RAB3GAP1: variants seen among roughly 807,000 people sequenced by gnomAD.
RAB3GAP1 encodes the protein rab3 GTPase-activating protein catalytic subunit.
RAB3GAP1 carries 86 observed loss-of-function variants against 130.7 expected under a neutral mutation model. The observed-to-expected ratio is 0.66, with a 90% CI of 0.55 to 0.79. The LOEUF is 0.79. RAB3GAP1 is among the 30% of genes least tolerant of loss of function. The pLI is 0.00. For synonymous variants in RAB3GAP1, 367 were observed against 401.7 expected (o/e 0.91, Z 1.03); for missense variants, 1,029 against 1,169.4 (o/e 0.88, Z 1.75).
At chr2:135,101,748 G>A (rs539206217) in intron 5 of RAB3GAP1, among the ~76,000 whole-genome samples, 1 of 151,924 alleles carries the variant, frequency 6.6e-6, no homozygotes, top group South Asian at 2.1e-4. Flanking sequence ...GTGTTTTGCT[G>A]GATGTATTTC....
At chr2:135,154,636 A>C (rs1309572987) in intron 19 of RAB3GAP1, among the ~76,000 whole-genome samples, 3 of 152,154 alleles carry the variant, frequency 2.0e-5, no homozygotes, top group Non-Finnish European at 1.5e-5. Context: ...GATGAAACAC[A>C]AAGTCACCCC....
intron 3 of RAB3GAP1, among the ~76,000 whole-genome samples, chr2:135,064,624 T>C (rs953209159): frequency 6.6e-6 from 1 of 151,938 alleles, no homozygotes; most frequent in African/African-American, 2.4e-5. Flanking sequence ...CTTGAGTGTA[T>C]TTATTATAGC....
chr2:135,060,256 ATT>A (rs60562266), intron 3 of RAB3GAP1, among the ~76,000 whole-genome samples: 87 of 109,842 alleles, frequency 7.9e-4, no homozygotes, highest in East Asian at 7.1e-3. Flanking sequence ...TAACTGCTTG[ATT>A]TTTTTTTTTT....
chr2:135,081,125 C>G (rs1399564087), intron 3 of RAB3GAP1, among the ~76,000 whole-genome samples: 1 of 151,104 alleles, frequency 6.6e-6, no homozygotes, highest in East Asian at 1.9e-4. Flanking sequence ...CATGTCACAG[C>G]AGAGAAGAAT....
At chr2:135,161,688 CAAAA>C (rs368652831) in intron 19 of RAB3GAP1, among the ~76,000 whole-genome samples, 1 of 150,734 alleles carries the variant, frequency 6.6e-6, no homozygotes, top group Non-Finnish European at 1.5e-5. Flanking sequence ...CTCTCTAAGC[CAAAA>C]AAAAGTCCAC....
In RAB3GAP1 at chr2:135,105,911, C is replaced by T. The variant is rs1251141046; in HGVS notation, c.363-7240C>T. On this transcript the variant is annotated intron_variant, in intron 5 of 23. Coordinates refer to ENST00000264158, the MANE Select transcript of RAB3GAP1 (RefSeq NM_012233.3). ...CCCATCTGGGAGGTGAGGAGCATCT[C>T]TGCCCGGCCGCCCCGTCTGAGAAGT... 3.9e-5 allele frequency among the ~76,000 whole-genome samples: 6 copies of T among 152,050 alleles called. No homozygotes were observed. The East Asian group carries it at 1.2e-3, about 30-fold the overall frequency.
intron 3 of RAB3GAP1, among the ~76,000 whole-genome samples, chr2:135,062,355 A>C (rs187671371): frequency 6.6e-6 from 1 of 152,226 alleles, no homozygotes; most frequent in Admixed American, 6.5e-5. Context: ...TGCCAGTAAC[A>C]TGTTTCCAGT....
intron 23 of RAB3GAP1, among the ~76,000 whole-genome samples, chr2:135,165,375 G>C (rs16831378): frequency 2.0e-5 from 3 of 152,144 alleles, no homozygotes; most frequent in African/African-American, 4.8e-5. Context: ...TGATAAAGGC[G>C]TTATGTGCAC....
At chr2:135,137,772 AACTC>A (rs892978479) in intron 17 of RAB3GAP1, among the ~76,000 whole-genome samples, 3 of 152,196 alleles carry the variant, frequency 2.0e-5, no homozygotes, top group Non-Finnish European at 4.4e-5. Context: ...GAACAGCAAT[AACTC>A]AACAACAACA....
At chr2:135,100,319 C>G (rs1366403585) in intron 5 of RAB3GAP1, among the ~76,000 whole-genome samples, 2 of 152,162 alleles carry the variant, frequency 1.3e-5, no homozygotes, top group Non-Finnish European at 2.9e-5. Flanking sequence ...AAAGGCTTAC[C>G]CTATAAAATC....
intron 17 of RAB3GAP1, among the ~76,000 whole-genome samples, chr2:135,147,981 A>C (rs1558799421): frequency 1.8e-5 from 1 of 55,552 alleles, no homozygotes; most frequent in Non-Finnish European, 2.8e-5. Flanking sequence ...TTTTCTTCAA[A>C]AGGCTGTGCT....
chr2:135,080,102 A>G (rs969778352), intron 3 of RAB3GAP1, among the ~76,000 whole-genome samples: 4 of 143,328 alleles, frequency 2.8e-5, no homozygotes, highest in Non-Finnish European at 4.5e-5. Flanking sequence ...GGGCGACAGA[A>G]CGAGACTCCG....
intron 5 of RAB3GAP1, among the ~76,000 whole-genome samples, chr2:135,102,800 G>A (rs1184062585): frequency 6.6e-6 from 1 of 151,946 alleles, no homozygotes; most frequent in Non-Finnish European, 1.5e-5. Context: ...CGGATCACGA[G>A]GTCAGGATTT....
intron 5 of RAB3GAP1, among the ~76,000 whole-genome samples, chr2:135,103,749 CTT>C (rs955028744): frequency 2.6e-5 from 4 of 152,124 alleles, no homozygotes; most frequent in African/African-American, 9.7e-5. Context: ...GGTACAAAAA[CTT>C]TTGCCTTTGC....
intron 3 of RAB3GAP1, among the ~76,000 whole-genome samples, chr2:135,079,934 G>A (rs1278003549): frequency 1.3e-5 from 2 of 151,966 alleles, no homozygotes; most frequent in African/African-American, 2.4e-5. Context: ...TCGAGACCAC[G>A]GTGAAACCCT....
intron 5 of RAB3GAP1, among the ~76,000 whole-genome samples, chr2:135,102,468 A>G (rs902596655): frequency 1.3e-5 from 2 of 152,236 alleles, no homozygotes; most frequent in Non-Finnish European, 2.9e-5. Context: ...TACAGCAGCA[A>G]TATGAACTAA....
intron 5 of RAB3GAP1, among the ~76,000 whole-genome samples, chr2:135,100,337 C>T (rs914466257): frequency 6.6e-6 from 1 of 152,202 alleles, no homozygotes; most frequent in Admixed American, 6.5e-5. Flanking sequence ...ATCCCAGCTC[C>T]CAGTGCCCAG....
intron 2 of RAB3GAP1, among the ~76,000 whole-genome samples, chr2:135,054,587 G>A (rs903299458): frequency 6.6e-6 from 1 of 152,224 alleles, no homozygotes; most frequent in Non-Finnish European, 1.5e-5. Context: ...GTGTCAAAGT[G>A]AGAAGATTTG....
In RAB3GAP1 at chr2:135,081,347, TATATATATATATATACAC is replaced by T. The variant is rs1277821966; in HGVS notation, c.151-9649_151-9632del. 3.0e-4 allele frequency among the ~76,000 whole-genome samples: 28 copies of T among 93,734 alleles called. 2 individuals carry two copies. Among genetic ancestry groups the T allele is most frequent in the African/African-American group, 1.5e-3 (26 of 17,054 alleles). 61.5% of individuals were successfully genotyped at this position (93,734 alleles called of 152,430 possible). On this transcript the variant is annotated intron_variant, in intron 3 of 23. Transcript: ENST00000264158. ...AAAAAAATATATATATATATATATA[TATATATATATATATACAC>T]ACACGTGTGTGTGTGTATATATATA...
Sources: allele counts gnomAD v4.1 joint callset (sites outside exome capture counted in the v4.1 genomes callset), GRCh38; gene constraint gnomAD v4.1.1; transcripts MANE v1.5; gene names NCBI Gene and HGNC (gene_info 2026-07-23, HGNC 2026-07-21).